The following KIAA1328 variants were observed in gnomAD, a reference collection of about 807,000 sequenced individuals.
KIAA1328 encodes protein hinderin.
In KIAA1328, 52 loss-of-function variants were observed where a neutral mutation model predicts 68.1. The observed-to-expected ratio is 0.76, with a 90% CI of 0.61 to 0.96. The LOEUF (loss-of-function observed/expected upper bound fraction) is 0.96. Among genes scored for constraint, KIAA1328 ranks in the 40% least tolerant of loss-of-function variants. KIAA1328 has a pLI of 0.00. For missense variants in KIAA1328, 641 were observed against 677.6 expected, an observed-to-expected ratio of 0.95 and a Z score of 0.60; for synonymous variants, 232 against 239.4, an observed-to-expected ratio of 0.97 and a Z score of 0.28.
intron 9 of KIAA1328, among the ~76,000 whole-genome samples, chr18:37,194,676 G>GT (rs1004433967): frequency 4.3e-4 from 65 of 152,016 alleles, no homozygotes; most frequent in African/African-American, 1.6e-3. Flanking sequence ...TTTTTGTTTT[G>GT]TTTTTTGAGA....
intron 7 of KIAA1328, among the ~76,000 whole-genome samples, chr18:37,105,187 T>C (rs1162812775): frequency 2.6e-5 from 4 of 152,142 alleles, no homozygotes; most frequent in Non-Finnish European, 5.9e-5. Context: ...AATTGTAAAA[T>C]TGTGTTCAGA....
chr18:37,044,725 A>T (rs1251594825), intron 6 of KIAA1328, among the ~76,000 whole-genome samples: 2 of 151,300 alleles, frequency 1.3e-5, no homozygotes, highest in Non-Finnish European at 2.9e-5. Flanking sequence ...TCTTAAACCC[A>T]GAGGCAGAGG....
intron 6 of KIAA1328, among the ~76,000 whole-genome samples, chr18:37,061,973 CTAA>C (rs1049729043): frequency 1.3e-5 from 2 of 152,082 alleles, no homozygotes; most frequent in African/African-American, 4.8e-5. Context: ...AAGAATCATA[CTAA>C]TAATAATAAT....
chr18:36,897,424 T>G (rs1477349698), intron 5 of KIAA1328, among the ~76,000 whole-genome samples: 1 of 152,078 alleles, frequency 6.6e-6, no homozygotes, highest in Non-Finnish European at 1.5e-5. Flanking sequence ...TTTGGTTGTA[T>G]CTATGAGACT....
chr18:37,212,379 A>G lies in KIAA1328; in HGVS notation c.1524-9638A>G, dbSNP rs556312539. ...CCATAGAAAATGTCATGACATTTCC[A>G]TGCCTGAGAAAGTAGTCGAATCTTG... is the stretch of plus-strand genomic sequence containing the variant. On this transcript the variant is annotated intron_variant, in intron 9 of 9. Transcript: ENST00000280020. Among the ~76,000 whole-genome samples, 20 of 152,320 alleles carry G rather than the reference A, an allele frequency of 1.3e-4. 2 individuals carry two copies. Among genetic ancestry groups the G allele is most frequent in the Admixed American group, 1.1e-3 (17 of 15,294 alleles).
At chr18:37,031,223 A>G (rs1033189428) in intron 6 of KIAA1328, among the ~76,000 whole-genome samples, 8 of 152,124 alleles carry the variant, frequency 5.3e-5, no homozygotes, top group Non-Finnish European at 1.0e-4. Flanking sequence ...GGTCTTCTGT[A>G]TGCCTATTGA....
intron 6 of KIAA1328, among the ~76,000 whole-genome samples, chr18:37,017,484 T>C (rs1226166675): frequency 6.6e-6 from 1 of 152,142 alleles, no homozygotes; most frequent in Non-Finnish European, 1.5e-5. Flanking sequence ...CATCCAATTG[T>C]TCAGGTGTGA....
At chr18:37,074,377 G>A (rs1309887118) in intron 7 of KIAA1328, among the ~76,000 whole-genome samples, 1 of 152,154 alleles carries the variant, frequency 6.6e-6, no homozygotes, top group Non-Finnish European at 1.5e-5. Flanking sequence ...ATTTTTAGTT[G>A]TACAGGGGTA....
chr18:37,044,818 C>A (rs74410949), intron 6 of KIAA1328, among the ~76,000 whole-genome samples: 5,128 of 148,562 alleles, frequency 0.035, 115 homozygotes, highest in East Asian at 0.098. Context: ...AAAAAAAATT[C>A]AAAGCAACAG....
chr18:37,162,281 TAA>T (rs765901586), intron 8 of KIAA1328, among the ~76,000 whole-genome samples: 6 of 140,140 alleles, frequency 4.3e-5, no homozygotes, highest in Admixed American at 7.1e-5. Flanking sequence ...AGTGTTGCAA[TAA>T]AAAAAAAAAA....
At chr18:37,165,422 T>TTTAC (rs2059367238) in intron 8 of KIAA1328, among the ~76,000 whole-genome samples, 1 of 151,582 alleles carries the variant, frequency 6.6e-6, no homozygotes, top group Non-Finnish European at 1.5e-5. Flanking sequence ...TATTTATTTA[T>TTTAC]TTACTTATTT....
intron 6 of KIAA1328, among the ~76,000 whole-genome samples, chr18:37,039,961 T>A (rs989548480): frequency 3.3e-5 from 5 of 152,128 alleles, no homozygotes; most frequent in Non-Finnish European, 5.9e-5. Flanking sequence ...AGGGCTGAGG[T>A]CTGCTTTTCC....
intron 9 of KIAA1328, among the ~76,000 whole-genome samples, chr18:37,220,085 A>C (rs1406528468): frequency 6.6e-6 from 1 of 152,228 alleles, no homozygotes; most frequent in African/African-American, 2.4e-5. Flanking sequence ...ATTTCTAATA[A>C]AGTATTTCCA....
At chr18:37,100,018 A>G (rs1333322115) in intron 7 of KIAA1328, among the ~76,000 whole-genome samples, 1 of 151,856 alleles carries the variant, frequency 6.6e-6, no homozygotes, top group African/African-American at 2.4e-5. Flanking sequence ...ATGGGTCTTG[A>G]CTCTTTATCC....
intron 8 of KIAA1328, among the ~76,000 whole-genome samples, chr18:37,168,772 G>T (rs913276442): frequency 2.6e-5 from 4 of 152,198 alleles, no homozygotes; most frequent in African/African-American, 9.6e-5. Context: ...TATTGGTATT[G>T]TATCTGGGTG....
intron 7 of KIAA1328, among the ~76,000 whole-genome samples, chr18:37,153,856 TTAA>T (rs1247942556): frequency 8.2e-5 from 12 of 146,270 alleles, no homozygotes; most frequent in African/African-American, 1.3e-4. Flanking sequence ...TCTTTTTCTT[TTAA>T]AAAAAAAAAA....
intron 7 of KIAA1328, among the ~76,000 whole-genome samples, chr18:37,077,310 T>C (rs1217791191): frequency 7.5e-6 from 1 of 134,148 alleles, no homozygotes; most frequent in Non-Finnish European, 1.5e-5. Flanking sequence ...ACTCAATAAA[T>C]TAGGTATTGA....
At chr18:37,164,119 T>G (rs1212419282) in intron 8 of KIAA1328, among the ~76,000 whole-genome samples, 1 of 152,216 alleles carries the variant, frequency 6.6e-6, no homozygotes, top group African/African-American at 2.4e-5. Flanking sequence ...TAGTTTACTT[T>G]TTTATTATAT....
chr18:37,035,236 G>T (rs1312199234), intron 6 of KIAA1328, among the ~76,000 whole-genome samples: 1 of 152,200 alleles, frequency 6.6e-6, no homozygotes, highest in Non-Finnish European at 1.5e-5. Flanking sequence ...ATGCTAGAAG[G>T]TATTTGCTAG....
Sources: gnomAD v4.1 joint callset for allele counts (sites outside exome capture counted in the v4.1 genomes callset) on GRCh38, gnomAD v4.1.1 for gene constraint, MANE v1.5 for transcripts, NCBI Gene and HGNC (gene_info 2026-07-23, HGNC 2026-07-21) for gene names.